Variants in NLRP5 observed in about 807,000 individuals in gnomAD.
NLRP5 encodes the protein NLR family pyrin domain containing 5, also known as NACHT, LRR and PYD domains-containing protein 5.
A neutral mutation model predicts 113.1 loss-of-function variants in NLRP5; 93 were observed. That is an observed-to-expected ratio of 0.82 (90% CI 0.70 to 0.98). The LOEUF (loss-of-function observed/expected upper bound fraction) is 0.98. Among genes scored for constraint, NLRP5 ranks in the 50% least tolerant of loss-of-function variants. The pLI is 0.00. For synonymous variants in NLRP5, 751 were observed against 600.7 expected, an observed-to-expected ratio of 1.25 and a Z score of -3.66; for missense variants, 1,808 against 1,514.3, an observed-to-expected ratio of 1.19 and a Z score of -3.22.
At chr19:56,050,957 A>G (rs1983911940) in intron 12 of NLRP5, among the ~76,000 whole-genome samples, 1 of 152,182 alleles carries the variant, frequency 6.6e-6, no homozygotes, top group Admixed American at 6.5e-5. Context: ...CCCTTTGTTG[A>G]AATGTTTCTA....
chr19:56,055,571 A>G (rs693105), intron 13 of NLRP5, among the ~76,000 whole-genome samples: 13,284 of 84,010 alleles, frequency 0.16, 1,229 homozygotes, highest in Middle Eastern at 0.31. Context: ...TTTAAGATAG[A>G]GTCTTGCTCT....
chr19:56,040,914 T>C lies in NLRP5; in HGVS notation c.2787-8T>C, dbSNP rs748328345. 5 of 1,612,720 alleles carry C rather than the reference T, an allele frequency of 3.1e-6. No individual in the cohort carries two copies. The African/African-American group carries it at 4.0e-5, about 13-fold the overall frequency. On this transcript the variant is annotated splice_region_variant and splice_polypyrimidine_tract_variant and intron_variant, in intron 10 of 14. Coordinates refer to ENST00000390649, the MANE Select transcript of NLRP5 (RefSeq NM_153447.4). Reference sequence around the variant, plus strand: ...CATCATGTCCTCTCTGGGGCTCTCTTCTTGCAGACTGGAGGACTGTGGCAT... The same window carrying C: ...CATCATGTCCTCTCTGGGGCTCTCTCCTTGCAGACTGGAGGACTGTGGCAT...
At chr19:56,032,112 A>G (rs935115119) in intron 7 of NLRP5, among the ~76,000 whole-genome samples, 20 of 152,304 alleles carry the variant, frequency 1.3e-4, no homozygotes, top group African/African-American at 4.6e-4. Context: ...TAGGAGGCCA[A>G]GGCGGGGGCA....
intron 5 of NLRP5, among the ~76,000 whole-genome samples, chr19:56,019,877 C>T (rs1982548613): frequency 1.3e-5 from 2 of 149,946 alleles, no homozygotes; most frequent in African/African-American, 2.5e-5. Context: ...CGCTGTGTCG[C>T]CCAAGCTGTA....
At chr19:56,026,863 A>G (rs1023544154) in intron 6 of NLRP5, 50 bp from the exon 7 acceptor site, 6 of 1,513,770 alleles carry the variant, frequency 4.0e-6, no homozygotes, top group Admixed American at 2.0e-5. Flanking sequence ...GGTGCGAGCC[A>G]CTGTGCCTGG....
At position 56,061,435 on chromosome 19, in the gene NLRP5, G is replaced by C; in HGVS notation, c.3510G>C (p.Leu1170=). Residue 1170 remains leucine, a synonymous_variant, in exon 15 of 15, where the codon CTG becomes CTC. Transcript: ENST00000390649. Reference sequence around the variant, plus strand: ...AGTACCCTGTGCAAATAAGGAAGCTGCTGGAGGAAGTGCAGCTACTCAAGC... The same window carrying C: ...AGTACCCTGTGCAAATAAGGAAGCTCCTGGAGGAAGTGCAGCTACTCAAGC... 6.2e-7 allele frequency: 1 copy of C among 1,614,030 alleles called. No homozygotes were observed. The highest frequency in any genetic ancestry group is 8.5e-7 in the Non-Finnish European group (1 of 1,179,886).
chr19:56,004,553 T>G (rs1981781761), intron 2 of NLRP5, among the ~76,000 whole-genome samples: 1 of 152,114 alleles, frequency 6.6e-6, no homozygotes, highest in African/African-American at 2.4e-5. Context: ...GGTAGTGGTT[T>G]GGTGCGAGTC....
At chr19:56,018,915 T>G (rs1982507014) in intron 4 of NLRP5, among the ~76,000 whole-genome samples, 1 of 152,172 alleles carries the variant, frequency 6.6e-6, no homozygotes, top group South Asian at 2.1e-4. Context: ...TGCTTCAGCC[T>G]CCTGAGTAGC....
rs762767708 is a variant in NLRP5, at chr19:56,028,278, G to GA, written c.2046dup (p.Asp683ArgfsTer33). 1 of 1,614,000 alleles carries GA rather than the reference G, an allele frequency of 6.2e-7. No individual in the cohort carries two copies. Among genetic ancestry groups the GA allele is most frequent in the Non-Finnish European group, 8.5e-7 (1 of 1,179,896 alleles). ...CAGCAGCCTAATGCCACCACCCCAG[G>GA]AGACACCCTGGACGCCTTCCACTGT... On this transcript the variant is annotated frameshift_variant, in exon 7 of 15. Coordinates refer to ENST00000390649, the MANE Select transcript of NLRP5 (RefSeq NM_153447.4). LOFTEE classifies it high-confidence loss of function.
chr19:56,042,709 G>A (rs1174557296), intron 11 of NLRP5, among the ~76,000 whole-genome samples: 2 of 152,132 alleles, frequency 1.3e-5, no homozygotes, highest in Non-Finnish European at 2.9e-5. Context: ...CTCAAGCAGT[G>A]TACACTGCAC....
intron 1 of NLRP5, chr19:55,999,892 A>G (rs1258586540): frequency 3.6e-6 from 3 of 828,728 alleles, no homozygotes; most frequent in Non-Finnish European, 6.3e-6. Context: ...CTGCAATGTT[A>G]TTAGCAATCC....
At chr19:56,045,104 T>G (rs1983674191) in intron 11 of NLRP5, among the ~76,000 whole-genome samples, 1 of 152,220 alleles carries the variant, frequency 6.6e-6, no homozygotes, top group South Asian at 2.1e-4. Flanking sequence ...CTAGGAGCTT[T>G]CTGGAGGAGT....
chr19:56,000,273 T>TCAATGACAGTTGTC (rs1981589667), intron 1 of NLRP5, among the ~76,000 whole-genome samples: 1 of 152,238 alleles, frequency 6.6e-6, no homozygotes, highest in African/African-American at 2.4e-5. Flanking sequence ...GCCACTCTTT[T>TCAATGACAGTTGTC]CAGAGGCCCT....
chr19:56,011,063 G>T (rs1982169288), intron 3 of NLRP5, among the ~76,000 whole-genome samples: 1 of 151,738 alleles, frequency 6.6e-6, no homozygotes, highest in Admixed American at 6.6e-5. Context: ...GAGGCAGGAG[G>T]ATTGCTTGAG....
At chr19:56,056,122 G>T (rs567728525) in intron 13 of NLRP5, among the ~76,000 whole-genome samples, 3 of 152,182 alleles carry the variant, frequency 2.0e-5, no homozygotes, top group African/African-American at 7.2e-5. Context: ...GGAGACATGC[G>T]CACCTACCTT....
chr19:56,052,639 C>G (rs1328088126), intron 12 of NLRP5, among the ~76,000 whole-genome samples: 1 of 152,118 alleles, frequency 6.6e-6, no homozygotes, highest in Non-Finnish European at 1.5e-5. Context: ...TGCTATCATC[C>G]TACCCTTAGC....
intron 13 of NLRP5, 37 bp downstream of exon 13, chr19:56,053,845 G>T: frequency 7.5e-6 from 12 of 1,597,970 alleles, no homozygotes; most frequent in Non-Finnish European, 1.0e-5. Context: ...GGCCGGGCTG[G>T]GAGGAGGTGG....
At chr19:56,010,432 A>ATGGGC (rs1445603429) in intron 3 of NLRP5, among the ~76,000 whole-genome samples, 3 of 151,954 alleles carry the variant, frequency 2.0e-5, no homozygotes, top group Admixed American at 6.6e-5. Flanking sequence ...GTTGCTCCTG[A>ATGGGC]TGGGCTGGGT....
the NLRP5 span, among the ~76,000 whole-genome samples, chr19:55,990,950 C>T: frequency 6.6e-6 from 1 of 152,062 alleles, no homozygotes; most frequent in Non-Finnish European, 1.5e-5. Flanking sequence ...TATCACTGTA[C>T]TCTAGCCTGG....
Sources: gnomAD v4.1 joint callset for allele counts (sites outside exome capture counted in the v4.1 genomes callset) on GRCh38, gnomAD v4.1.1 for gene constraint, MANE v1.5 for transcripts, NCBI Gene and HGNC (gene_info 2026-07-23, HGNC 2026-07-21) for gene names.